Variants in ANKRD13C observed in about 807,000 individuals in gnomAD.
ANKRD13C encodes the protein ankyrin repeat domain-containing protein 13C.
In ANKRD13C, 16 loss-of-function variants were observed where a neutral mutation model predicts 65.5. The observed-to-expected ratio is 0.24, with a 90% CI of 0.17 to 0.37. ANKRD13C has a LOEUF of 0.37. Ranked by LOEUF, ANKRD13C falls within the 10% of genes least tolerant of loss-of-function variation. The pLI, the probability that ANKRD13C is intolerant of heterozygous loss-of-function variation, is 1.00. For missense variants in ANKRD13C, 503 were observed against 655.9 expected, an observed-to-expected ratio of 0.77 and a Z score of 2.55; for synonymous variants, 235 against 238.7, an observed-to-expected ratio of 0.98 and a Z score of 0.14.
chr1:70,344,545 G>A (rs7525445), intron 1 of ANKRD13C, among the ~76,000 whole-genome samples: 113 of 151,964 alleles, frequency 7.4e-4, no homozygotes, highest in African/African-American at 2.7e-3. Context: ...TGGGCACTAT[G>A]CTGTATATTT....
chr1:70,265,824 CAAA>C (rs775757290), intron 12 of ANKRD13C, among the ~76,000 whole-genome samples: 27 of 35,406 alleles, frequency 7.6e-4, no homozygotes, highest in African/African-American at 3.2e-3. Context: ...GACCTTGCCT[CAAA>C]AAAAAAAAAA....
chr1:70,291,760 T>G (rs905101274), intron 9 of ANKRD13C, among the ~76,000 whole-genome samples: 3 of 151,920 alleles, frequency 2.0e-5, no homozygotes, highest in African/African-American at 4.8e-5. Context: ...TGAACCAAGA[T>G]CTTGCCACTG....
At chr1:70,337,241 T>C (rs928240128) in intron 1 of ANKRD13C, among the ~76,000 whole-genome samples, 1 of 152,050 alleles carries the variant, frequency 6.6e-6, no homozygotes, top group Non-Finnish European at 1.5e-5. Flanking sequence ...CAAAATACTA[T>C]TTTGAGCAAA....
chr1:70,348,691 G>T (rs913001454), intron 1 of ANKRD13C, among the ~76,000 whole-genome samples: 1 of 152,160 alleles, frequency 6.6e-6, no homozygotes, highest in Non-Finnish European at 1.5e-5. Flanking sequence ...TGAGGTACCT[G>T]CATCAGCAGG....
Position 70,336,049 on chromosome 1 carries a change from T to C in ANKRD13C, c.472+9A>G, listed in dbSNP as rs927202405. On this transcript the variant is annotated intron_variant, in intron 2 of 12. Coordinates refer to ENST00000370944, the MANE Select transcript of ANKRD13C (RefSeq NM_030816.5). ...AAGTTAAACATAAAAAAAGAAAATA[T>C]TTACTAACCTTTATTTCCTAACATC... The C allele has an allele frequency of 5.0e-6, 4 of 804,618 alleles. No homozygotes were observed. Among genetic ancestry groups the C allele is most frequent in the Admixed American group, 3.9e-5 (1 of 25,794 alleles). 49.8% of individuals were successfully genotyped at this position (804,618 alleles called of 1,614,324 possible).
chr1:70,312,043 T>G (rs548452154), intron 5 of ANKRD13C, among the ~76,000 whole-genome samples: 2 of 152,318 alleles, frequency 1.3e-5, no homozygotes, highest in African/African-American at 4.8e-5. Flanking sequence ...TAGAGAGAAA[T>G]AAGTGCTAAT....
At chr1:70,282,215 C>A (rs1182274979) in intron 9 of ANKRD13C, among the ~76,000 whole-genome samples, 2 of 151,422 alleles carry the variant, frequency 1.3e-5, no homozygotes, top group African/African-American at 4.9e-5. Flanking sequence ...CCACCACGCC[C>A]GGCTAATTTT....
intron 1 of ANKRD13C, among the ~76,000 whole-genome samples, chr1:70,344,139 A>C (rs1682427068): frequency 1.3e-5 from 2 of 151,958 alleles, no homozygotes; most frequent in Non-Finnish European, 2.9e-5. Flanking sequence ...CTCTACTAAA[A>C]ATACAAAAAT....
chr1:70,287,653 G>A (rs758384036), intron 9 of ANKRD13C, among the ~76,000 whole-genome samples: 2 of 151,988 alleles, frequency 1.3e-5, no homozygotes, highest in Non-Finnish European at 2.9e-5. Flanking sequence ...GACAAGCTGT[G>A]GAGTGAGAGG....
At position 70,302,427 on chromosome 1, in the gene ANKRD13C, C is replaced by G. The variant is rs1680399828; in HGVS notation, c.777-1519G>C. 1.3e-5 allele frequency among the ~76,000 whole-genome samples: 2 copies of G among 152,004 alleles called. 1 individual carries two copies. The highest frequency in any genetic ancestry group is 4.8e-5 in the African/African-American group (2 of 41,372). The stretch of plus-strand genomic sequence containing the variant: ...ACCTATCATTGCTTGAGCATGTGTC[C>G]TAAAAGAAAATAGTATTGGCCGGGC... On this transcript the variant is annotated intron_variant, in intron 6 of 12. Coordinates refer to ENST00000370944, the MANE Select transcript of ANKRD13C (RefSeq NM_030816.5).
At chr1:70,313,823 C>T in intron 4 of ANKRD13C, 33 bp from the exon 5 acceptor site, 3 of 1,534,388 alleles carry the variant, frequency 2.0e-6, no homozygotes, top group Non-Finnish European at 2.7e-6. Context: ...TTACTAAATG[C>T]ACCTTAGTTA....
intron 6 of ANKRD13C, among the ~76,000 whole-genome samples, chr1:70,304,401 A>C (rs1288670747): frequency 6.6e-6 from 1 of 151,918 alleles, no homozygotes; most frequent in Admixed American, 6.6e-5. Flanking sequence ...CAGAATAAAA[A>C]CTTTATTTTT....
chr1:70,327,714 T>G (rs1295399650), intron 2 of ANKRD13C, among the ~76,000 whole-genome samples: 1 of 152,118 alleles, frequency 6.6e-6, no homozygotes, highest in Non-Finnish European at 1.5e-5. Flanking sequence ...GCTGAAGTAT[T>G]TGGGGGTAAA....
intron 10 of ANKRD13C, among the ~76,000 whole-genome samples, chr1:70,276,469 G>A (rs148103596): frequency 7.9e-5 from 12 of 152,218 alleles, no homozygotes; most frequent in South Asian, 4.2e-4. Context: ...ACTGTCCTGC[G>A]CAATTTCCTA....
At chr1:70,282,054 C>CT (rs1228023912) in intron 9 of ANKRD13C, among the ~76,000 whole-genome samples, 4,573 of 132,014 alleles carry the variant, frequency 0.035, 322 homozygotes, top group African/African-American at 0.12. Flanking sequence ...TACATATCAT[C>CT]TTTTTTTTTT....
intron 1 of ANKRD13C, among the ~76,000 whole-genome samples, chr1:70,341,367 T>C (rs548064942): frequency 1.3e-5 from 2 of 149,118 alleles, no homozygotes; most frequent in Admixed American, 6.6e-5. Flanking sequence ...TTGTGTGTTT[T>C]TTTTTTTTTT....
At chr1:70,325,835 C>A (rs952746718) in intron 2 of ANKRD13C, among the ~76,000 whole-genome samples, 3 of 151,766 alleles carry the variant, frequency 2.0e-5, no homozygotes. Context: ...GCCAAGATTG[C>A]GTCACTGCAT....
chr1:70,259,771 A>G lies in ANKRD13C; in HGVS notation c.*2946T>C, dbSNP rs1348062278. ...GCTTTTCTCTAGCATGTTTGTAAAT[A>G]TGGGTAATATCAATGAGCAGAAGGA... On this transcript the variant is annotated 3_prime_UTR_variant, in exon 13 of 13. Transcript: ENST00000370944. Among the ~76,000 whole-genome samples the G allele has an allele frequency of 6.6e-6, 1 of 152,200 alleles. No individual in the cohort carries two copies. The highest frequency in any genetic ancestry group is 1.5e-5 in the Non-Finnish European group (1 of 68,026).
intron 2 of ANKRD13C, among the ~76,000 whole-genome samples, chr1:70,331,107 G>A (rs1181059133): frequency 2.6e-5 from 4 of 152,180 alleles, no homozygotes; most frequent in African/African-American, 9.7e-5. Flanking sequence ...AAAATATTAC[G>A]TGAACGCCCT....
Sources: gnomAD v4.1 joint callset for allele counts (sites outside exome capture counted in the v4.1 genomes callset) on GRCh38, gnomAD v4.1.1 for gene constraint, MANE v1.5 for transcripts, NCBI Gene and HGNC (gene_info 2026-07-23, HGNC 2026-07-21) for gene names.